SGCE: variants seen among roughly 807,000 people sequenced by gnomAD.
The protein encoded by SGCE is sarcoglycan epsilon.
In SGCE, 26 loss-of-function variants were observed where a neutral mutation model predicts 57.8. That is an observed-to-expected ratio of 0.45 (90% CI 0.33 to 0.62). SGCE has a LOEUF of 0.62. SGCE is among the 20% of genes least tolerant of loss of function. The pLI is 0.02. For synonymous variants in SGCE, 183 were observed against 189.5 expected (o/e 0.97, Z 0.28); for missense variants, 468 against 548.6 (o/e 0.85, Z 1.47).
In SGCE at chr7:94,656,129, T is replaced by C; in HGVS notation, c.-31A>G. 1 of 1,281,702 alleles carries C rather than the reference T, an allele frequency of 7.8e-7. No homozygotes were observed. Among genetic ancestry groups the C allele is most frequent in the African/African-American group, 1.5e-5 (1 of 68,650 alleles). The allele number at this position is 1,281,702 out of a possible 1,614,324, so 79.4% of individuals were successfully genotyped here. A position where few individuals can be genotyped will look rare whatever the true frequency, so the allele number is the denominator to read the frequency against. The stretch of plus-strand genomic sequence containing the variant: ...GCCTGGCTAGGCCGTCCGTCCTCGA[T>C]TCTCCCCTCCCCTCCCTTTCTTCTT... On this transcript the variant is annotated 5_prime_UTR_variant, in exon 1 of 11. Coordinates refer to ENST00000648936, the MANE Select transcript of SGCE (RefSeq NM_003919.3).
At chr7:94,608,098 G>T (rs931832451) in intron 5 of SGCE, among the ~76,000 whole-genome samples, 2 of 152,120 alleles carry the variant, frequency 1.3e-5, no homozygotes, top group Admixed American at 6.5e-5. Context: ...AATCCCAGCA[G>T]TTTTGCAGGC....
At chr7:94,651,674 A>G (rs1361428836) in intron 1 of SGCE, among the ~76,000 whole-genome samples, 1 of 152,226 alleles carries the variant, frequency 6.6e-6, no homozygotes, top group East Asian at 1.9e-4. Flanking sequence ...GGGATACAAC[A>G]TCAATGGAAA....
In SGCE at chr7:94,624,733, A is replaced by G. The variant is rs1803417706; in HGVS notation, c.391-1336T>C. On this transcript the variant is annotated intron_variant, in intron 3 of 10. Coordinates refer to ENST00000648936, the MANE Select transcript of SGCE (RefSeq NM_003919.3). ...TTTTCAATAAAAAGTATGATCCTCT[A>G]CTATTTGTTACAATATCATGAAGCT... 4 of 152,174 alleles carry G rather than the reference A, an allele frequency of 2.6e-5. No homozygotes were observed. In the South Asian group the frequency reaches 8.3e-4, roughly 31 times the overall value. 9.4% of individuals were successfully genotyped at this position (152,174 alleles called of 1,614,324 possible). A position where few individuals can be genotyped will look rare whatever the true frequency, so the allele number is the denominator to read the frequency against.
At chr7:94,600,508 A>T in intron 7 of SGCE, 138 bp downstream of exon 7, 1 of 657,878 alleles carries the variant, frequency 1.5e-6, no homozygotes, top group Non-Finnish European at 2.7e-6. Flanking sequence ...AAAGGAATAA[A>T]GTATTGCAGT....
In SGCE at chr7:94,656,121, G is replaced by T; in HGVS notation, c.-23C>A. On this transcript the variant is annotated 5_prime_UTR_variant, in exon 1 of 11. Transcript: ENST00000648936. ...CATTCTTGGCCTGGCTAGGCCGTCC[G>T]TCCTCGATTCTCCCCTCCCCTCCCT... The T allele has an allele frequency of 7.2e-7, 1 of 1,393,988 alleles. No homozygotes were observed. The highest frequency in any genetic ancestry group is 1.0e-6 in the Non-Finnish European group (1 of 979,856). The allele number at this position is 1,393,988 out of a possible 1,614,324, so 86.4% of individuals were successfully genotyped here.
intron 3 of SGCE, chr7:94,627,637 A>G (rs1397753498): frequency 6.6e-6 from 1 of 152,442 alleles, no homozygotes; most frequent in Non-Finnish European, 1.5e-5. Flanking sequence ...TACTTTGTCA[A>G]GTAAATTCTT....
At chr7:94,611,776 T>C (rs576329498) in intron 5 of SGCE, among the ~76,000 whole-genome samples, 41 of 152,306 alleles carry the variant, frequency 2.7e-4, no homozygotes, top group Middle Eastern at 3.4e-3. Flanking sequence ...ACAACTGTGT[T>C]CGAGAATATG....
Position 94,656,022 on chromosome 7 carries a change from C to T in SGCE, c.77G>A (p.Ser26Asn), listed in dbSNP as rs773531358. ...CAAGAATGTGCCAGTGGTCGCGGGG[C>T]TCATCCTGCGTGTCCCCCGACCCTG... ...TGQGRGTRRM[S>N]PATTGTFLLT... Residue 26 changes from serine to asparagine, a missense_variant, in exon 1 of 11, where the codon AGC (serine) becomes AAC (asparagine). Coordinates refer to ENST00000648936, the MANE Select transcript of SGCE (RefSeq NM_003919.3). The T allele has an allele frequency of 1.9e-6, 3 of 1,612,524 alleles. No homozygotes were observed. In the South Asian group the frequency reaches 3.3e-5, roughly 18 times the overall value.
chr7:94,599,767 A>AT (rs1395135888), intron 7 of SGCE, 44 bp from the exon 8 acceptor site: 1 of 1,312,146 alleles, frequency 7.6e-7, no homozygotes, highest in Non-Finnish European at 1.1e-6. Flanking sequence ...TAGCATTGAT[A>AT]TTTGGAACAT....
intron 5 of SGCE, among the ~76,000 whole-genome samples, chr7:94,604,121 G>A (rs1799684610): frequency 6.6e-6 from 1 of 152,052 alleles, no homozygotes; most frequent in Admixed American, 6.6e-5. Flanking sequence ...TATGGGGAAA[G>A]ATCTCTACTT....
chr7:94,615,370 ATAG>A (rs1801741538), intron 5 of SGCE, among the ~76,000 whole-genome samples: 2 of 1,764 alleles, frequency 1.1e-3, no homozygotes, highest in Admixed American at 5.5e-3. Context: ...AAATAAATAG[ATAG>A]ATAGATAGAT....
intron 1 of SGCE, chr7:94,640,926 G>A (rs971455788): frequency 6.6e-6 from 1 of 152,230 alleles, no homozygotes; most frequent in Non-Finnish European, 1.5e-5. Flanking sequence ...GGGATTACAG[G>A]TGTGGGCCAC....
intron 5 of SGCE, among the ~76,000 whole-genome samples, chr7:94,610,696 C>A (rs1414366465): frequency 6.6e-6 from 1 of 151,598 alleles, no homozygotes; most frequent in African/African-American, 2.4e-5. Context: ...TCAAAGAACA[C>A]CATTAAGAAA....
At chr7:94,632,692 A>G (rs1286134248) in intron 1 of SGCE, among the ~76,000 whole-genome samples, 3 of 152,102 alleles carry the variant, frequency 2.0e-5, no homozygotes, top group Non-Finnish European at 4.4e-5. Context: ...CCCACACAAC[A>G]TTTTAGAGGA....
In SGCE at chr7:94,656,111, T is replaced by C; in HGVS notation, c.-13A>G. On this transcript the variant is annotated 5_prime_UTR_variant, in exon 1 of 11. Coordinates refer to ENST00000648936, the MANE Select transcript of SGCE (RefSeq NM_003919.3). ...GGGGCAATTGCATTCTTGGCCTGGC[T>C]AGGCCGTCCGTCCTCGATTCTCCCC... 1 of 1,524,522 alleles carries C rather than the reference T, an allele frequency of 6.6e-7. No individual in the cohort carries two copies. The highest frequency in any genetic ancestry group is 9.1e-7 in the Non-Finnish European group (1 of 1,098,598). 94.4% of individuals were successfully genotyped at this position (1,524,522 alleles called of 1,614,324 possible).
rs948470991 is a variant in SGCE, at chr7:94,604,313, A to C, written c.663-861T>G. ...ATGCTAGGAAAAAAATGACAATGTA[A>C]AATGAAGTAAAACCATCAAAATTCT... On this transcript the variant is annotated intron_variant, in intron 5 of 10. Coordinates refer to ENST00000648936, the MANE Select transcript of SGCE (RefSeq NM_003919.3). Among the ~76,000 whole-genome samples the C allele has an allele frequency of 2.6e-5, 4 of 152,058 alleles. No individual in the cohort carries two copies. The South Asian group carries it at 8.3e-4, about 31-fold the overall frequency.
intron 9 of SGCE, 84 bp downstream of exon 9, chr7:94,598,686 AAACAC>A: frequency 2.1e-6 from 2 of 961,942 alleles, no homozygotes; most frequent in Non-Finnish European, 3.4e-6. Context: ...ATAAACAAAC[AAACAC>A]AACAACAGAA....
intron 5 of SGCE, among the ~76,000 whole-genome samples, chr7:94,614,005 C>T (rs1182690499): frequency 6.7e-6 from 1 of 150,280 alleles, no homozygotes; most frequent in Non-Finnish European, 1.5e-5. Flanking sequence ...GAAAAAGTCA[C>T]CAGAAATTAG....
At chr7:94,613,920 A>G (rs1352499974) in intron 5 of SGCE, among the ~76,000 whole-genome samples, 1 of 152,118 alleles carries the variant, frequency 6.6e-6, no homozygotes, top group African/African-American at 2.4e-5. Context: ...TTAATCAATC[A>G]AAAAGTAAGA....
Sources: gnomAD v4.1 joint callset for allele counts (sites outside exome capture counted in the v4.1 genomes callset) on GRCh38, gnomAD v4.1.1 for gene constraint, MANE v1.5 for transcripts, NCBI Gene and HGNC (gene_info 2026-07-23, HGNC 2026-07-21) for gene names.